UBE2H: variants seen among roughly 807,000 people sequenced by gnomAD.
UBE2H encodes ubiquitin conjugating enzyme E2 H.
Under a neutral mutation model 29.0 loss-of-function variants are expected in UBE2H, and 3 were observed. The observed-to-expected ratio is 0.10, with a 90% confidence interval of 0.05 to 0.27. UBE2H has a LOEUF of 0.27. UBE2H is among the 10% of genes least tolerant of loss of function. The pLI is 1.00. For synonymous variants in UBE2H, 69 were observed against 82.9 expected, an observed-to-expected ratio of 0.83 and a Z score of 0.91; for missense variants, 68 against 228.2, an observed-to-expected ratio of 0.30 and a Z score of 4.52.
intron 1 of UBE2H, among the ~76,000 whole-genome samples, chr7:129,900,639 C>CT (rs1245514972): frequency 2.6e-5 from 4 of 151,680 alleles, no homozygotes; most frequent in Admixed American, 2.0e-4. Flanking sequence ...TTTTATTATA[C>CT]TTTAAGTTTT....
chr7:129,866,547 T>C lies in UBE2H; in HGVS notation c.206-7606A>G, dbSNP rs565425733. ...CAGAGACAATACAGTACAGAATACA[T>C]TGGACTTGAACTCACAAGACCCAAC... On this transcript the variant is annotated intron_variant, in intron 3 of 6. Transcript: ENST00000355621. Among the ~76,000 whole-genome samples, 5 of 152,310 alleles carry C rather than the reference T, an allele frequency of 3.3e-5. No individual in the cohort carries two copies. In the East Asian group the frequency reaches 9.6e-4, roughly 29 times the overall value.
chr7:129,848,034 C>G (rs560597255), intron 5 of UBE2H, among the ~76,000 whole-genome samples: 1 of 152,308 alleles, frequency 6.6e-6, no homozygotes, highest in African/African-American at 2.4e-5. Context: ...TATACTCTCG[C>G]CTTTGTAATC....
chr7:129,926,979 G>A (rs2116482686), intron 1 of UBE2H, among the ~76,000 whole-genome samples: 1 of 152,274 alleles, frequency 6.6e-6, no homozygotes. Context: ...TACCTCATGA[G>A]TGCCCTCTTG....
chr7:129,886,533 T>C (rs1235677696), intron 1 of UBE2H, among the ~76,000 whole-genome samples: 2 of 152,130 alleles, frequency 1.3e-5, no homozygotes, highest in Non-Finnish European at 2.9e-5. Flanking sequence ...CAGGGACCAC[T>C]GAGTCCTAAA....
rs980980641 is a variant in UBE2H, at chr7:129,952,723, G to A, written c.-168C>T. On this transcript the variant is annotated 5_prime_UTR_variant, in exon 1 of 7. Coordinates refer to ENST00000355621, the MANE Select transcript of UBE2H (RefSeq NM_003344.4). ...GCCGCCCCCCGCACGGGGGAACACC[G>A]GGCACTGTCCGGCCGGGTGGGGGTG... The A allele has an allele frequency of 4.4e-6, 3 of 686,494 alleles. No homozygotes were observed. Among genetic ancestry groups the A allele is most frequent in the Non-Finnish European group, 6.3e-6 (3 of 475,336 alleles). 42.5% of individuals were successfully genotyped at this position (686,494 alleles called of 1,614,324 possible).
At chr7:129,846,851 C>T (rs917649224) in intron 5 of UBE2H, among the ~76,000 whole-genome samples, 4 of 152,142 alleles carry the variant, frequency 2.6e-5, no homozygotes, top group African/African-American at 9.7e-5. Context: ...CCTTCTACTA[C>T]CTGTCCCCCA....
chr7:129,863,225 G>C (rs996360664), intron 3 of UBE2H, among the ~76,000 whole-genome samples: 1 of 152,154 alleles, frequency 6.6e-6, no homozygotes, highest in African/African-American at 2.4e-5. Context: ...GTAAACATAC[G>C]CTTTAGTAAT....
At chr7:129,881,048 C>A in intron 1 of UBE2H, 77 bp from the exon 2 acceptor site, 1 of 1,315,546 alleles carries the variant, frequency 7.6e-7, no homozygotes, top group Admixed American at 2.3e-5. Flanking sequence ...CAGGCATATG[C>A]CACTTAAAGT....
At chr7:129,868,806 T>C (rs1805968080) in intron 3 of UBE2H, among the ~76,000 whole-genome samples, 2 of 152,206 alleles carry the variant, frequency 1.3e-5, no homozygotes, top group Admixed American at 1.3e-4. Context: ...AGGGCCCATT[T>C]GACCACTGGC....
At chr7:129,862,344 C>CT (rs1347433711) in intron 3 of UBE2H, among the ~76,000 whole-genome samples, 1 of 152,196 alleles carries the variant, frequency 6.6e-6, no homozygotes, top group Non-Finnish European at 1.5e-5. Context: ...CCAATGCTGG[C>CT]TACAGATGAG....
At chr7:129,861,706 A>G (rs1805806617) in intron 3 of UBE2H, among the ~76,000 whole-genome samples, 1 of 152,198 alleles carries the variant, frequency 6.6e-6, no homozygotes, top group Non-Finnish European at 1.5e-5. Flanking sequence ...AGCCTGGCCA[A>G]CATGGTGAAA....
chr7:129,935,391 C>T (rs1185599275), intron 1 of UBE2H, among the ~76,000 whole-genome samples: 2 of 142,236 alleles, frequency 1.4e-5, no homozygotes, highest in East Asian at 2.0e-4. Context: ...CCAGCCTGGG[C>T]GACAGAGCGA....
intron 1 of UBE2H, among the ~76,000 whole-genome samples, chr7:129,946,259 C>T (rs1807762543): frequency 6.6e-6 from 1 of 151,178 alleles, no homozygotes; most frequent in South Asian, 2.1e-4. Flanking sequence ...TGGGTTTTTA[C>T]CATGTTAGCC....
At chr7:129,908,665 A>G (rs1806869110) in intron 1 of UBE2H, among the ~76,000 whole-genome samples, 1 of 152,220 alleles carries the variant, frequency 6.6e-6, no homozygotes, top group Non-Finnish European at 1.5e-5. Context: ...CATAGGTTCA[A>G]TCTAAAAACC....
chr7:129,932,008 G>C (rs1216531214), intron 1 of UBE2H, among the ~76,000 whole-genome samples: 2 of 151,594 alleles, frequency 1.3e-5, no homozygotes, highest in Admixed American at 6.6e-5. Context: ...ACTTTTAGTA[G>C]AGATGGGGTT....
intron 1 of UBE2H, among the ~76,000 whole-genome samples, chr7:129,923,102 G>T (rs79587342): frequency 6.6e-6 from 1 of 151,352 alleles, no homozygotes; most frequent in South Asian, 2.1e-4. Context: ...GGGTTCCACC[G>T]TGTTAGCCAG....
intron 1 of UBE2H, among the ~76,000 whole-genome samples, chr7:129,908,300 C>G (rs1806860413): frequency 6.6e-6 from 1 of 152,168 alleles, no homozygotes; most frequent in African/African-American, 2.4e-5. Context: ...GTCTCCCAAT[C>G]AAGGTTTCTA....
At chr7:129,924,292 C>T (rs1396149165) in intron 1 of UBE2H, among the ~76,000 whole-genome samples, 2 of 152,180 alleles carry the variant, frequency 1.3e-5, no homozygotes, top group Non-Finnish European at 2.9e-5. Context: ...GATAACAACA[C>T]ATCATTACTA....
intron 5 of UBE2H, among the ~76,000 whole-genome samples, chr7:129,843,595 C>T (rs376118114): frequency 3.3e-5 from 5 of 152,164 alleles, no homozygotes; most frequent in African/African-American, 9.7e-5. Flanking sequence ...CGCATACCAT[C>T]GCTGGCAGGG....
Sources: gnomAD v4.1 joint callset for allele counts (sites outside exome capture counted in the v4.1 genomes callset) on GRCh38, gnomAD v4.1.1 for gene constraint, MANE v1.5 for transcripts, NCBI Gene and HGNC (gene_info 2026-07-23, HGNC 2026-07-21) for gene names.